The following ZFAT variants were observed in gnomAD, a reference collection of about 807,000 sequenced individuals.
ZFAT encodes the protein zinc finger protein ZFAT.
Under a neutral mutation model 117.7 loss-of-function variants are expected in ZFAT, and 64 were observed. The observed-to-expected ratio is 0.54, with a 90% confidence interval of 0.44 to 0.67. The LOEUF is 0.67. Among genes scored for constraint, ZFAT ranks in the 30% least tolerant of loss-of-function variants. The pLI is 0.00. For missense variants in ZFAT, 1,433 were observed against 1,584.5 expected (o/e 0.90, Z 1.62); for synonymous variants, 679 against 615.0 (o/e 1.10, Z -1.54).
chr8:134,743,616 T>C, the ZFAT span, among the ~76,000 whole-genome samples: 1 of 152,290 alleles, frequency 6.6e-6, no homozygotes, highest in Admixed American at 6.5e-5. Context: ...AAGAATCACT[T>C]TAGGGAACAG....
At chr8:134,727,142 AAAAC>A in the ZFAT span, among the ~76,000 whole-genome samples, 4 of 152,080 alleles carry the variant, frequency 2.6e-5, no homozygotes, top group African/African-American at 9.7e-5. Flanking sequence ...GAGAAAAAAA[AAAAC>A]AAAACAAGGA....
At chr8:134,735,415 T>C in the ZFAT span, among the ~76,000 whole-genome samples, 2,293 of 152,288 alleles carry the variant, frequency 0.015, 69 homozygotes, top group African/African-American at 0.053. Context: ...CTATAGCTGA[T>C]CCTATGTCCA....
At chr8:134,528,922 A>T (rs1017244164) in intron 12 of ZFAT, among the ~76,000 whole-genome samples, 1 of 152,368 alleles carries the variant, frequency 6.6e-6, no homozygotes, top group East Asian at 1.9e-4. Context: ...CTTGAGAGAT[A>T]CATGCTCAAA....
At chr8:134,679,250 C>A (rs1214523928) in intron 1 of ZFAT, among the ~76,000 whole-genome samples, 1 of 152,066 alleles carries the variant, frequency 6.6e-6, no homozygotes, top group Non-Finnish European at 1.5e-5. Context: ...AAGAAAAAAA[C>A]AAACAACCCC....
intron 11 of ZFAT, among the ~76,000 whole-genome samples, chr8:134,552,516 T>C (rs1823244530): frequency 6.6e-6 from 1 of 152,260 alleles, no homozygotes; most frequent in South Asian, 2.1e-4. Context: ...AATAGATTTC[T>C]CCAGCTTCAT....
At chr8:134,605,553 CA>C (rs747188059) in intron 5 of ZFAT, among the ~76,000 whole-genome samples, 312 of 89,508 alleles carry the variant, frequency 3.5e-3, no homozygotes, top group Middle Eastern at 0.014. Flanking sequence ...GACCCCATCT[CA>C]AAAAAAAAAA....
At chr8:134,614,582 G>A (rs1227420541) in intron 3 of ZFAT, among the ~76,000 whole-genome samples, 1 of 152,184 alleles carries the variant, frequency 6.6e-6, no homozygotes, top group Non-Finnish European at 1.5e-5. Context: ...CTTGGAGGTT[G>A]GGTCCATGAC....
At chr8:134,516,559 G>T (rs757853057) in intron 13 of ZFAT, among the ~76,000 whole-genome samples, 9 of 152,152 alleles carry the variant, frequency 5.9e-5, no homozygotes, top group Admixed American at 4.6e-4. Flanking sequence ...ATAGGGCTGG[G>T]TATGGTGGCT....
chr8:134,639,777 C>T lies in ZFAT; in HGVS notation c.197-2065G>A, dbSNP rs56823443. ...CAGAGAGGCTACAAAACACCCACCT[C>T]GTGTCATGTCAGCTGAGTTCCAGAA... is the stretch of plus-strand genomic sequence containing the variant. On this transcript the variant is annotated intron_variant, in intron 2 of 15. Coordinates refer to ENST00000377838, the MANE Select transcript of ZFAT (RefSeq NM_020863.4). 9.6e-3 allele frequency: 4,346 copies of T among 453,834 alleles called. 142 individuals carry two copies. Among genetic ancestry groups the T allele is most frequent in the African/African-American group, 0.074 (3,706 of 50,152 alleles). 28.1% of individuals were successfully genotyped at this position (453,834 alleles called of 1,614,324 possible).
the ZFAT span, among the ~76,000 whole-genome samples, chr8:134,822,376 C>T: frequency 6.6e-6 from 1 of 152,038 alleles, no homozygotes; most frequent in Admixed American, 6.5e-5. Flanking sequence ...TCCAAATTCC[C>T]ATATGTTCTC....
chr8:134,731,839 A>G, the ZFAT span, among the ~76,000 whole-genome samples: 1 of 152,236 alleles, frequency 6.6e-6, no homozygotes, highest in Non-Finnish European at 1.5e-5. Flanking sequence ...CCCAGAAAGG[A>G]AAGGGAATTC....
chr8:134,820,150 A>T, the ZFAT span, among the ~76,000 whole-genome samples: 121 of 152,314 alleles, frequency 7.9e-4, no homozygotes, highest in African/African-American at 2.9e-3. Flanking sequence ...GTTTGTTTTA[A>T]AAAAGGTGAT....
At chr8:134,611,495 A>G (rs948776150) in intron 3 of ZFAT, among the ~76,000 whole-genome samples, 1 of 152,202 alleles carries the variant, frequency 6.6e-6, no homozygotes, top group African/African-American at 2.4e-5. Context: ...AGGGCCCTGA[A>G]TGGCCATGAG....
At chr8:134,564,927 C>T (rs1824320613) in intron 11 of ZFAT, 1 of 1,204,596 alleles carries the variant, frequency 8.3e-7, no homozygotes, top group Non-Finnish European at 1.1e-6. Context: ...ACACAATCTC[C>T]AGTTTTTACA....
At chr8:134,591,280 A>G (rs72719770) in intron 7 of ZFAT, among the ~76,000 whole-genome samples, 27,559 of 152,258 alleles carry the variant, frequency 0.18, 2,656 homozygotes, top group Admixed American at 0.26. Flanking sequence ...CAGTGTTGGA[A>G]GTAGAGTGTG....
At chr8:134,555,387 T>C (rs1823498848) in intron 11 of ZFAT, among the ~76,000 whole-genome samples, 1 of 152,224 alleles carries the variant, frequency 6.6e-6, no homozygotes, top group Non-Finnish European at 1.5e-5. Context: ...TTAGAAAGTG[T>C]AAGCTCCTCT....
chr8:134,667,454 C>G (rs569970644), intron 1 of ZFAT, among the ~76,000 whole-genome samples: 121 of 143,040 alleles, frequency 8.5e-4, no homozygotes, highest in Non-Finnish European at 1.5e-3. Flanking sequence ...GATCGCACCA[C>G]TGCACTCCAG....
At chr8:134,791,066 A>G in the ZFAT span, among the ~76,000 whole-genome samples, 1 of 152,238 alleles carries the variant, frequency 6.6e-6, no homozygotes, top group African/African-American at 2.4e-5. Context: ...TGACTTTAAA[A>G]GAGGCCCCGA....
Position 134,526,658 on chromosome 8 carries a change from G to A in ZFAT, c.3116-5657C>T, listed in dbSNP as rs912045573. On this transcript the variant is annotated intron_variant, in intron 12 of 15. Coordinates refer to ENST00000377838, the MANE Select transcript of ZFAT (RefSeq NM_020863.4). ...TCTCTGCTCCTTTGTGGTGCTTGAC[G>A]TTATTGAAAATTCAATTTCATTTTC... Among the ~76,000 whole-genome samples, 10 of 152,254 alleles carry A rather than the reference G, an allele frequency of 6.6e-5. No homozygotes were observed. In the East Asian group the frequency reaches 7.7e-4, roughly 12 times the overall value.
Sources: allele counts gnomAD v4.1 joint callset (sites outside exome capture counted in the v4.1 genomes callset), GRCh38; gene constraint gnomAD v4.1.1; transcripts MANE v1.5; gene names NCBI Gene and HGNC (gene_info 2026-07-23, HGNC 2026-07-21).